KLK14: variants seen among roughly 807,000 people sequenced by gnomAD.
KLK14 encodes the protein kallikrein related peptidase 14.
In KLK14, 21 loss-of-function variants were observed where a neutral mutation model predicts 24.6. That is an observed-to-expected ratio of 0.85 (90% CI 0.61 to 1.23). KLK14 has a LOEUF of 1.23. Among genes scored for constraint, KLK14 ranks in the 50% most tolerant of loss-of-function variants. KLK14 has a pLI of 0.00. For missense variants in KLK14, 320 were observed against 338.9 expected (o/e 0.94, Z 0.44); for synonymous variants, 133 against 139.7 (o/e 0.95, Z 0.34).
chr19:51,078,938 G>A lies in KLK14; in HGVS notation c.480C>T (p.Ala160=). The change falls in exon 5 of 6, where the codon GCC becomes GCT. Residue 160 remains alanine, a synonymous_variant. Transcript: ENST00000650543. The surrounding 1 kb of genome is among the most constrained non-coding windows in gnomAD (Gnocchi z 5.0). ...TGTTGATGTTCACGCATTGCAGAGA[G>A]GCGGGGTACCTGGCTGGGGGACACT... The part of the protein sequence containing the change: ...TISSPIARYP[A]SLQCVNINIS... 6.2e-7 allele frequency: 1 copy of A among 1,613,868 alleles called. No individual in the cohort carries two copies. The highest frequency in any genetic ancestry group is 8.5e-7 in the Non-Finnish European group (1 of 1,179,932).
chr19:51,078,298 CT>C lies in KLK14; in HGVS notation c.604-140del. On this transcript the variant is annotated intron_variant, in intron 5 of 5. Coordinates refer to ENST00000650543, the MANE Select transcript of KLK14 (RefSeq NM_001369775.2). The surrounding 1 kb of genome is among the most constrained non-coding windows in gnomAD (Gnocchi z 5.0). ...TTAGGGACACAGTCCTGCCCCAGCT[CT>C]GAGGTCTCAGCCCCGGAGGTCGGGG... 3 of 944,372 alleles carry C rather than the reference CT, an allele frequency of 3.2e-6. No homozygotes were observed. The highest frequency in any genetic ancestry group is 3.1e-6 in the Non-Finnish European group (2 of 645,200). 58.5% of individuals were successfully genotyped at this position (944,372 alleles called of 1,614,324 possible).
chr19:51,082,536 C>T lies in KLK14; in HGVS notation c.40+39G>A, dbSNP rs1456589657. Reference sequence around the variant, plus strand: ...CATCCCCATCTCTTCTCAGAGTCTCCAGGGGACCCCCTTGTGTCATACCCA... The same window carrying T: ...CATCCCCATCTCTTCTCAGAGTCTCTAGGGGACCCCCTTGTGTCATACCCA... On this transcript the variant is annotated intron_variant, in intron 2 of 5. Coordinates refer to ENST00000650543, the MANE Select transcript of KLK14 (RefSeq NM_001369775.2). The T allele has an allele frequency of 2.5e-6, 4 of 1,604,510 alleles. No homozygotes were observed. The Admixed American group carries it at 5.0e-5, about 20-fold the overall frequency.
rs755664894 is a variant in KLK14 at position 51,079,581 on chromosome 19, G to A, written c.334C>T (p.Leu112Phe). ...GGCTGCTGTAGCTGCAGCAGCATGA[G>A]GTCGTTGTCGTGGGTCCGGGAGTTG... is the stretch of plus-strand genomic sequence containing the variant. ...NYNSRTHDND[L>F]MLLQLQQPAR... Residue 112 changes from leucine (L) to phenylalanine (F), a missense_variant, in exon 4 of 6, where the codon CTC becomes TTC. Coordinates refer to ENST00000650543, the MANE Select transcript of KLK14 (RefSeq NM_001369775.2). The A allele has an allele frequency of 3.8e-5, 61 of 1,614,022 alleles. No homozygotes were observed. Among genetic ancestry groups the A allele is most frequent in the Non-Finnish European group, 5.1e-5 (60 of 1,179,988 alleles).
upstream of KLK14, among the ~76,000 whole-genome samples, chr19:51,083,272 GA>G (rs2091851438): frequency 1.1e-5 from 1 of 87,056 alleles, no homozygotes; most frequent in Admixed American, 1.5e-4. Context: ...GGAGTCACGG[GA>G]GGAGGGAGAG....
rs1387534318 is a variant in KLK14, at chr19:51,082,611, A to G, written c.4T>C (p.Phe2Leu). 6.2e-7 allele frequency: 1 copy of G among 1,614,084 alleles called. No homozygotes were observed. The highest frequency in any genetic ancestry group is 8.5e-7 in the Non-Finnish European group (1 of 1,180,044). ...ACTTGAAGTGCTGTCAGCAGGAGGAACATTTTAGGGGCTGAGGGCCAGGTC... is the reference window on the plus strand; with the variant it reads ...ACTTGAAGTGCTGTCAGCAGGAGGAGCATTTTAGGGGCTGAGGGCCAGGTC... The part of the protein sequence containing the change: M[F>L]LLLTALQVLA... Residue 2 changes from phenylalanine (F) to leucine (L), a missense_variant, in exon 2 of 6, where the codon TTC becomes CTC. By Grantham distance (22) the Phe-to-Leu change is conservative. Coordinates refer to ENST00000650543, the MANE Select transcript of KLK14 (RefSeq NM_001369775.2).
In KLK14 at chr19:51,077,970, T is replaced by C. The variant is rs1051151448; in HGVS notation, c.*37A>G. ...GGTCCTGAGTAGAGAGAGGAGGGCC[T>C]GGGCAGCTGACGAGGTCCATCCCAC... On this transcript the variant is annotated 3_prime_UTR_variant, in exon 6 of 6. Coordinates refer to ENST00000650543, the MANE Select transcript of KLK14 (RefSeq NM_001369775.2). 6.2e-7 allele frequency: 1 copy of C among 1,608,338 alleles called. No homozygotes were observed.
intron 4 of KLK14, 98 bp downstream of exon 4, chr19:51,079,351 C>T: frequency 7.8e-7 from 1 of 1,283,422 alleles, no homozygotes; most frequent in Non-Finnish European, 1.1e-6. Context: ...AGCCCCTCCT[C>T]CCTCAGACCC....
chr19:51,081,324 T>A (rs2091837595), intron 3 of KLK14, among the ~76,000 whole-genome samples: 1 of 152,176 alleles, frequency 6.6e-6, no homozygotes, highest in African/African-American at 2.4e-5. Flanking sequence ...AAGCTGCCCA[T>A]CTGCTTTCAG....
In KLK14 at chr19:51,078,259, A is replaced by G. The variant is rs148061520; in HGVS notation, c.604-100T>C. 564 of 1,262,704 alleles carry G rather than the reference A, an allele frequency of 4.5e-4. 1 individual carries two copies. The East Asian group carries it at 8.3e-3, about 19-fold the overall frequency. 78.2% of individuals were successfully genotyped at this position (1,262,704 alleles called of 1,614,324 possible). ...AGCAGACACAGGGAGACAGGCAGAG[A>G]CACTGGTGGACAGTTAGGGACACAG... is the stretch of plus-strand genomic sequence containing the variant. On this transcript the variant is annotated intron_variant, in intron 5 of 5. Coordinates refer to ENST00000650543, the MANE Select transcript of KLK14 (RefSeq NM_001369775.2). The surrounding 1 kb of genome is among the most constrained non-coding windows in gnomAD (Gnocchi z 5.0).
In KLK14 at chr19:51,081,593, G is replaced by T; in HGVS notation, c.151C>A (p.Leu51Ile). ...CCTGAAAGCAGGGCGCCTCCGCAGA[G>T]GAAGCGGCGCCTGGGACCCGCCAGC... ...ALLAGPRRRF[L>I]CGGALLSGQW... Residue 51 changes from leucine to isoleucine, a missense_variant, in exon 3 of 6, where the codon CTC becomes ATC. By Grantham distance (5) the Leu-to-Ile change is conservative. Coordinates refer to ENST00000650543, the MANE Select transcript of KLK14 (RefSeq NM_001369775.2). 6.5e-7 allele frequency: 1 copy of T among 1,550,270 alleles called. No homozygotes were observed. Among genetic ancestry groups the T allele is most frequent in the Non-Finnish European group, 8.7e-7 (1 of 1,146,216 alleles).
chr19:51,081,603 C>T lies in KLK14; in HGVS notation c.141G>A (p.Arg47=), dbSNP rs370383590. The change falls in exon 3 of 6, where the codon AGG becomes AGA. Residue 47 remains arginine (R), a synonymous_variant. Coordinates refer to ENST00000650543, the MANE Select transcript of KLK14 (RefSeq NM_001369775.2). ...PWQAALLAGP[R]RRFLCGGALL... The stretch of plus-strand genomic sequence containing the variant: ...GGGCGCCTCCGCAGAGGAAGCGGCG[C>T]CTGGGACCCGCCAGCAGGGCCGCCT... 5.4e-5 allele frequency: 83 copies of T among 1,550,824 alleles called. No individual in the cohort carries two copies. The African/African-American group carries it at 1.1e-3, about 20-fold the overall frequency.
chr19:51,078,932 CAG>C lies in KLK14; in HGVS notation c.484_485del (p.Leu162AlafsTer11). 2 of 1,613,878 alleles carry C rather than the reference CAG, an allele frequency of 1.2e-6. No individual in the cohort carries two copies. Among genetic ancestry groups the C allele is most frequent in the South Asian group, 1.1e-5 (1 of 91,086 alleles). ...SSPIARYPAS[L>X]QCVNINISPD... ...GGGAGATGTTGATGTTCACGCATTG[CAG>C]AGAGGCGGGGTACCTGGCTGGGGGA... On this transcript the variant is annotated frameshift_variant, in exon 5 of 6. Coordinates refer to ENST00000650543, the MANE Select transcript of KLK14 (RefSeq NM_001369775.2). LOFTEE classifies it high-confidence loss of function. This position sits in a 1 kb window ranked among gnomAD's most constrained non-coding sequence, Gnocchi z 5.0.
At position 51,078,758 on chromosome 19, in the gene KLK14, T is replaced by C; in HGVS notation, c.603+57A>G. On this transcript the variant is annotated intron_variant, in intron 5 of 5. Transcript: ENST00000650543. This position sits in a 1 kb window ranked among gnomAD's most constrained non-coding sequence, Gnocchi z 5.0. Reference sequence around the variant, plus strand: ...GCAGACTTCCATGCTCCTGACATCATTTGCTTAAATCCCAGTCCCAAATAA... The same window carrying C: ...GCAGACTTCCATGCTCCTGACATCACTTGCTTAAATCCCAGTCCCAAATAA... 1.3e-6 allele frequency: 2 copies of C among 1,592,964 alleles called. No individual in the cohort carries two copies. The highest frequency in any genetic ancestry group is 1.7e-6 in the Non-Finnish European group (2 of 1,169,066).
Position 51,079,677 on chromosome 19 carries a change from G to T in KLK14, c.238C>A (p.His80Asn). ...GTGGCCTCCCACCTCCTCAGGTTGT[G>T]CTTGCCCAGGGCAACCTGAAGGATC... is the stretch of plus-strand genomic sequence containing the variant. The part of the protein sequence containing the change: ...RPILQVALGK[H>N]NLRRWEATQQ... The change falls in exon 4 of 6, where the codon CAC becomes AAC. Residue 80 changes from histidine (H) to asparagine (N), a missense_variant. By Grantham distance (68) the His-to-Asn change is moderately conservative. Coordinates refer to ENST00000650543, the MANE Select transcript of KLK14 (RefSeq NM_001369775.2). The T allele has an allele frequency of 6.4e-7, 1 of 1,570,958 alleles. No homozygotes were observed. Among genetic ancestry groups the T allele is most frequent in the African/African-American group, 1.4e-5 (1 of 74,066 alleles).
intron 2 of KLK14, among the ~76,000 whole-genome samples, chr19:51,082,246 T>C (rs754328734): frequency 1.3e-5 from 2 of 151,998 alleles, no homozygotes; most frequent in Non-Finnish European, 2.9e-5. Context: ...CAAAACATCT[T>C]TCTGACATTG....
chr19:51,082,169 C>T (rs924487433), intron 2 of KLK14, among the ~76,000 whole-genome samples: 4 of 151,714 alleles, frequency 2.6e-5, no homozygotes, highest in East Asian at 1.9e-4. Context: ...ACACCCATGC[C>T]ACGATCCCGC....
chr19:51,084,097 T>G (rs1476387831), upstream of KLK14: 1 of 149,234 alleles, frequency 6.7e-6, no homozygotes, highest in Non-Finnish European at 1.5e-5. Flanking sequence ...GGGCAGGAGG[T>G]GGGCGGGAGA....
At chr19:51,079,822 C>T in intron 3 of KLK14, 120 bp from the exon 4 acceptor site, 1 of 1,411,860 alleles carries the variant, frequency 7.1e-7, no homozygotes, top group Non-Finnish European at 9.4e-7. Context: ...CTGCTTCTCA[C>T]TAACTGCAGG....
At chr19:51,083,760 A>G (rs1162633315), upstream of KLK14, among the ~76,000 whole-genome samples, 2 of 151,868 alleles carry the variant, frequency 1.3e-5, no homozygotes, top group Non-Finnish European at 2.9e-5. Context: ...GACGGAGGGA[A>G]GAAGGTGGAG....
Sources: allele counts gnomAD v4.1 joint callset (sites outside exome capture counted in the v4.1 genomes callset), GRCh38; gene constraint gnomAD v4.1.1; non-coding constraint Gnocchi (gnomAD v3.1); transcripts MANE v1.5; gene names NCBI Gene and HGNC (gene_info 2026-07-23, HGNC 2026-07-21).